PCLO: variants seen among roughly 807,000 people sequenced by gnomAD.
The protein encoded by PCLO is protein piccolo.
In PCLO, 82 loss-of-function variants were observed where a neutral mutation model predicts 427.5. That is an observed-to-expected ratio of 0.19 (90% CI 0.16 to 0.23). The LOEUF is 0.23. PCLO is among the 10% of genes least tolerant of loss of function. PCLO has a pLI of 1.00. For missense variants in PCLO, 6,239 were observed against 6,115.9 expected, an observed-to-expected ratio of 1.02 and a Z score of -0.67; for synonymous variants, 2,357 against 2,155.4, an observed-to-expected ratio of 1.09 and a Z score of -2.59.
At chr7:82,768,924 C>A (rs1306187087) in intron 22 of PCLO, among the ~76,000 whole-genome samples, 1 of 152,104 alleles carries the variant, frequency 6.6e-6, no homozygotes, top group Non-Finnish European at 1.5e-5. Flanking sequence ...AGAATACAAT[C>A]ATCATTTCAC....
chr7:83,120,678 G>T (rs1277337989), intron 3 of PCLO, among the ~76,000 whole-genome samples: 2 of 152,238 alleles, frequency 1.3e-5, no homozygotes, highest in East Asian at 3.9e-4. Flanking sequence ...GGCCAGGAGA[G>T]AGTAGCATGA....
At chr7:82,990,471 T>C (rs1796352451) in intron 3 of PCLO, among the ~76,000 whole-genome samples, 1 of 152,114 alleles carries the variant, frequency 6.6e-6, no homozygotes, top group African/African-American at 2.4e-5. Flanking sequence ...GTGGGACCTA[T>C]CTTAGGAGGA....
intron 22 of PCLO, among the ~76,000 whole-genome samples, chr7:82,765,784 C>A (rs1024199602): frequency 6.6e-6 from 1 of 151,842 alleles, no homozygotes; most frequent in Admixed American, 6.6e-5. Flanking sequence ...AAAAATCTAT[C>A]TTTTTTTAAA....
In PCLO at chr7:82,951,887, T is replaced by C. The variant is rs1246701376; in HGVS notation, c.9066A>G (p.Ala3022=). 6.2e-7 allele frequency: 1 copy of C among 1,613,560 alleles called. No individual in the cohort carries two copies. The highest frequency in any genetic ancestry group is 1.7e-5 in the Admixed American group (1 of 60,028). ...TAACTCTCCCTGAAGTCAGATCTAC[T>C]GCTGTGTCAGTTCCTTCAGAATAAT... ...AFDYSEGTDT[A]VDLTSGRVTT... Residue 3022 remains alanine (A), a synonymous_variant, in exon 5 of 25, where the codon GCA becomes GCG. Transcript: ENST00000333891.
At chr7:83,033,028 T>G (rs2116156551) in intron 3 of PCLO, among the ~76,000 whole-genome samples, 1 of 152,232 alleles carries the variant, frequency 6.6e-6, no homozygotes, top group East Asian at 1.9e-4. Flanking sequence ...GGTTGTTTGA[T>G]AAGTGTTTGG....
Position 82,956,363 on chromosome 7 carries a change from T to C in PCLO, c.4590A>G (p.Arg1530=), listed in dbSNP as rs1273418369. The C allele has an allele frequency of 6.2e-7, 1 of 1,613,278 alleles. No homozygotes were observed. Among genetic ancestry groups the C allele is most frequent in the Non-Finnish European group, 8.5e-7 (1 of 1,179,876 alleles). The change falls in exon 5 of 25, where the codon AGA becomes AGG. Residue 1530 remains arginine (R), a synonymous_variant. Transcript: ENST00000333891. ...CACTGCTTGATGAGCCAACACTAGT[T>C]CTTCGTTTTCTTTGTGGAACAGGTG... ...ENSPVPQRKR[R]TSVGSSSSDE...
intron 22 of PCLO, among the ~76,000 whole-genome samples, chr7:82,775,044 A>G (rs1319390141): frequency 1.3e-5 from 2 of 152,220 alleles, no homozygotes; most frequent in South Asian, 4.1e-4. Flanking sequence ...AGTTCCTTCC[A>G]TGTCTTTCAT....
chr7:83,095,123 A>T (rs1019489448), intron 3 of PCLO, among the ~76,000 whole-genome samples: 16 of 152,174 alleles, frequency 1.1e-4, no homozygotes, highest in African/African-American at 3.9e-4. Flanking sequence ...TTAAAATTTT[A>T]AATTCAATTC....
rs1216909381 is a variant in PCLO, at chr7:82,915,780, T to C, written c.12206A>G (p.His4069Arg). ...TAALSTAFSL[H>R]EKDLSKTDRL... ...GTCTGTTTTTGACAGATCCTTTTCA[T>C]GAAGGCTAAATGCGGTGCTTAATGC... The change falls in exon 7 of 25, where the codon CAT becomes CGT. Residue 4069 changes from histidine (H) to arginine (R), a missense_variant. Physicochemically the swap from His to Arg is conservative, Grantham distance 29. This residue lies in a region of PCLO where 680 missense variants were observed against 677.3 expected (regional missense o/e 1.00). Coordinates refer to ENST00000333891, the MANE Select transcript of PCLO (RefSeq NM_033026.6). The C allele has an allele frequency of 6.2e-7, 1 of 1,612,570 alleles. No individual in the cohort carries two copies. The highest frequency in any genetic ancestry group is 8.5e-7 in the Non-Finnish European group (1 of 1,179,232).
intron 3 of PCLO, among the ~76,000 whole-genome samples, chr7:83,048,467 C>A (rs1019750083): frequency 6.6e-6 from 1 of 152,034 alleles, no homozygotes; most frequent in African/African-American, 2.4e-5. Flanking sequence ...ATAAAGCCAA[C>A]TGAGCTGTTG....
chr7:82,863,290 T>A (rs1347728263), intron 10 of PCLO, among the ~76,000 whole-genome samples: 3 of 152,010 alleles, frequency 2.0e-5, no homozygotes. Flanking sequence ...TCAAAAGATG[T>A]AAATAACATA....
At chr7:82,877,558 G>A (rs2371364) in intron 10 of PCLO, among the ~76,000 whole-genome samples, 132,194 of 152,084 alleles carry the variant, frequency 0.87, 57,838 homozygotes, top group African/African-American at 0.93. Flanking sequence ...TACTTTGCTT[G>A]TAACTGTTAT....
intron 3 of PCLO, among the ~76,000 whole-genome samples, chr7:82,979,847 T>C: frequency 6.6e-6 from 1 of 152,146 alleles, no homozygotes; most frequent in East Asian, 1.9e-4. Context: ...TACATTACCA[T>C]TAGTAATTCT....
chr7:83,013,489 G>A (rs377645175), intron 3 of PCLO, among the ~76,000 whole-genome samples: 1 of 152,140 alleles, frequency 6.6e-6, no homozygotes, highest in African/African-American at 2.4e-5. Context: ...GAAGTGCCTT[G>A]CATAGTGTCT....
intron 22 of PCLO, among the ~76,000 whole-genome samples, chr7:82,771,066 A>G (rs1267783609): frequency 6.6e-6 from 1 of 151,932 alleles, no homozygotes; most frequent in Non-Finnish European, 1.5e-5. Context: ...AGAGGGAAGC[A>G]GAATGTAACT....
chr7:83,129,992 G>C (rs146134672), intron 3 of PCLO, among the ~76,000 whole-genome samples: 2,062 of 151,046 alleles, frequency 0.014, 25 homozygotes, highest in Non-Finnish European at 0.021. Context: ...AAAAATTATT[G>C]ACTTAAATTT....
At chr7:82,839,058 A>G (rs2715157) in intron 14 of PCLO, among the ~76,000 whole-genome samples, 86,340 of 151,810 alleles carry the variant, frequency 0.57, 25,588 homozygotes, top group East Asian at 0.85. Flanking sequence ...AGAAAACTGC[A>G]TAATTCAAAA....
At chr7:83,119,477 G>A (rs893604855) in intron 3 of PCLO, among the ~76,000 whole-genome samples, 1 of 152,066 alleles carries the variant, frequency 6.6e-6, no homozygotes, top group East Asian at 1.9e-4. Context: ...GTGATCTCTA[G>A]TGCAGATAAA....
At chr7:83,076,325 A>G (rs1016175734) in intron 3 of PCLO, among the ~76,000 whole-genome samples, 1 of 151,558 alleles carries the variant, frequency 6.6e-6, no homozygotes, top group African/African-American at 2.4e-5. Context: ...GGCGGAGTGC[A>G]GTGGCAAGAT....
Sources: gnomAD v4.1 joint callset for allele counts (sites outside exome capture counted in the v4.1 genomes callset) on GRCh38, gnomAD v4.1.1 for gene constraint, gnomAD v4.1.1 regional missense constraint, MANE v1.5 for transcripts, NCBI Gene and HGNC (gene_info 2026-07-23, HGNC 2026-07-21) for gene names.